Variants in CTNNA3 observed in about 807,000 individuals in gnomAD.
CTNNA3 encodes the protein catenin alpha-3.
CTNNA3 carries 76 observed loss-of-function variants against 95.7 expected under a neutral mutation model. The observed-to-expected ratio is 0.79, with a 90% CI of 0.66 to 0.96. CTNNA3 has a LOEUF of 0.96. Ranked by LOEUF, CTNNA3 falls within the 40% of genes least tolerant of loss-of-function variation. The pLI, the probability that CTNNA3 is intolerant of heterozygous loss-of-function variation, is 0.00. For missense variants in CTNNA3, 1,191 were observed against 1,089.8 expected (o/e 1.09, Z -1.31); for synonymous variants, 431 against 374.4 (o/e 1.15, Z -1.74).
intron 5 of CTNNA3, among the ~76,000 whole-genome samples, chr10:67,271,529 G>C (rs941938379): frequency 1.3e-5 from 2 of 152,056 alleles, no homozygotes; most frequent in Non-Finnish European, 2.9e-5. Context: ...CCAGTCCCAG[G>C]TATTTCTTCA....
intron 13 of CTNNA3, among the ~76,000 whole-genome samples, chr10:66,167,924 C>T (rs1195939215): frequency 1.3e-5 from 2 of 152,140 alleles, no homozygotes; most frequent in Admixed American, 6.6e-5. Context: ...ACCTAGTCAT[C>T]GGCTAAGCAC....
At chr10:67,315,628 G>A (rs372908392) in intron 5 of CTNNA3, among the ~76,000 whole-genome samples, 1 of 151,960 alleles carries the variant, frequency 6.6e-6, no homozygotes, top group Non-Finnish European at 1.5e-5. Flanking sequence ...CAGTAATATC[G>A]AAATAATAGT....
At chr10:66,632,462 G>A (rs1845172729) in intron 9 of CTNNA3, among the ~76,000 whole-genome samples, 1 of 150,568 alleles carries the variant, frequency 6.6e-6, no homozygotes, top group East Asian at 2.0e-4. Flanking sequence ...GGCCGAGGCA[G>A]GAGAATCGCT....
At chr10:66,136,827 TA>T (rs2083381571) in intron 13 of CTNNA3, among the ~76,000 whole-genome samples, 1 of 151,840 alleles carries the variant, frequency 6.6e-6, no homozygotes, top group Non-Finnish European at 1.5e-5. Flanking sequence ...TGAGTTCACA[TA>T]ATTTTTTTTT....
chr10:65,954,747 T>C (rs1434341104), intron 17 of CTNNA3, among the ~76,000 whole-genome samples: 1 of 152,210 alleles, frequency 6.6e-6, no homozygotes. Flanking sequence ...TTGGTCTATA[T>C]CTCTGTTTTG....
intron 13 of CTNNA3, among the ~76,000 whole-genome samples, chr10:66,236,930 T>G (rs1164544575): frequency 6.6e-6 from 1 of 150,918 alleles, no homozygotes; most frequent in East Asian, 2.0e-4. Context: ...GCCTAGGCAA[T>G]GTAGTGAGGC....
At chr10:65,936,397 A>G (rs1006409147) in intron 17 of CTNNA3, among the ~76,000 whole-genome samples, 1 of 152,062 alleles carries the variant, frequency 6.6e-6, no homozygotes, top group Admixed American at 6.6e-5. Flanking sequence ...TAACGCTATA[A>G]AAGGGGTCTA....
At chr10:67,260,965 G>A (rs1436879086) in intron 5 of CTNNA3, among the ~76,000 whole-genome samples, 2 of 152,154 alleles carry the variant, frequency 1.3e-5, no homozygotes, top group Non-Finnish European at 2.9e-5. Context: ...GATTACAGGC[G>A]TGAGCCACCA....
chr10:67,682,478 T>C (rs1320772028), intron 1 of CTNNA3, among the ~76,000 whole-genome samples: 1 of 152,164 alleles, frequency 6.6e-6, no homozygotes, highest in African/African-American at 2.4e-5. Context: ...CAAGATATTA[T>C]TTTCACCAAG....
intron 5 of CTNNA3, among the ~76,000 whole-genome samples, chr10:67,306,787 T>TA (rs544213572): frequency 0.017 from 2,567 of 151,514 alleles, 80 homozygotes; most frequent in African/African-American, 0.056. Flanking sequence ...TGGATTTTTT[T>TA]AAAAAAAAAT....
At chr10:67,634,934 T>G (rs546162406) in intron 2 of CTNNA3, among the ~76,000 whole-genome samples, 102 of 152,252 alleles carry the variant, frequency 6.7e-4, no homozygotes, top group African/African-American at 2.4e-3. Flanking sequence ...ATTCAGGACC[T>G]GAACTCAGCT....
At chr10:66,023,837 T>C (rs540788102) in intron 15 of CTNNA3, among the ~76,000 whole-genome samples, 7 of 152,282 alleles carry the variant, frequency 4.6e-5, no homozygotes, top group African/African-American at 1.7e-4. Flanking sequence ...TAGTGCACTG[T>C]CGCAGTTCCC....
At chr10:66,507,747 T>A (rs1312792402) in intron 11 of CTNNA3, among the ~76,000 whole-genome samples, 4 of 152,152 alleles carry the variant, frequency 2.6e-5, no homozygotes, top group Non-Finnish European at 5.9e-5. Flanking sequence ...TATTTATTCA[T>A]CTGTTAATGG....
chr10:66,576,849 A>G (rs1464645944), intron 10 of CTNNA3, among the ~76,000 whole-genome samples: 12 of 151,526 alleles, frequency 7.9e-5, no homozygotes, highest in East Asian at 3.9e-4. Context: ...TGTATACCCA[A>G]TAGTGGAATT....
chr10:67,548,918 G>C (rs1174450697), intron 3 of CTNNA3, among the ~76,000 whole-genome samples: 3 of 151,514 alleles, frequency 2.0e-5, no homozygotes, highest in Admixed American at 2.0e-4. Context: ...ATAATAAAAA[G>C]ACAATCCTGT....
At chr10:66,428,629 T>TGA (rs1238856013) in intron 11 of CTNNA3, among the ~76,000 whole-genome samples, 1 of 142,500 alleles carries the variant, frequency 7.0e-6, no homozygotes, top group Non-Finnish European at 1.6e-5. Context: ...ACATGGAAAC[T>TGA]GAACAACCTG....
intron 7 of CTNNA3, among the ~76,000 whole-genome samples, chr10:67,156,622 T>G (rs944136124): frequency 1.3e-5 from 2 of 152,164 alleles, no homozygotes; most frequent in African/African-American, 4.8e-5. Flanking sequence ...ATATTTAGTT[T>G]CATTCAACTG....
chr10:67,419,994 G>C (rs550341607), intron 5 of CTNNA3, among the ~76,000 whole-genome samples: 3 of 152,164 alleles, frequency 2.0e-5, no homozygotes, highest in Non-Finnish European at 2.9e-5. Context: ...TGGGACTATA[G>C]GTGCCCACCA....
Position 66,943,490 on chromosome 10 carries a change from A to G in CTNNA3, c.1048-167966T>C, listed in dbSNP as rs1211694036. Among the ~76,000 whole-genome samples, 4 of 145,870 alleles carry G rather than the reference A, an allele frequency of 2.7e-5. No homozygotes were observed. In the Admixed American group the frequency reaches 2.9e-4, roughly 10 times the overall value. On this transcript the variant is annotated intron_variant, in intron 7 of 17. Transcript: ENST00000433211. The stretch of plus-strand genomic sequence containing the variant: ...CTGAAATCCTGGGAAGCCTATCTAC[A>G]TCCTGATCCCAAATCCAATTCCCCC...
Sources: allele counts gnomAD v4.1 joint callset (sites outside exome capture counted in the v4.1 genomes callset), GRCh38; gene constraint gnomAD v4.1.1; transcripts MANE v1.5; gene names NCBI Gene and HGNC (gene_info 2026-07-23, HGNC 2026-07-21).